Variants in NIBAN1 observed in about 807,000 individuals in gnomAD.
NIBAN1 encodes the protein niban apoptosis regulator 1, also known as protein Niban 1.
Under a neutral mutation model 75.1 loss-of-function variants are expected in NIBAN1, and 81 were observed. That is an observed-to-expected ratio of 1.08 (90% CI 0.90 to 1.30). NIBAN1 has a LOEUF of 1.30. Among genes scored for constraint, NIBAN1 ranks in the 50% most tolerant of loss-of-function variants. The probability of loss-of-function intolerance (pLI) is 0.00; values close to 1 mark genes in which losing one functional copy is unlikely to be tolerated. For missense variants in NIBAN1, 1,133 were observed against 1,128.1 expected (o/e 1.00, Z -0.06); for synonymous variants, 436 against 424.8 (o/e 1.03, Z -0.32).
chr1:184,960,683 C>T (rs1476906246), intron 1 of NIBAN1, among the ~76,000 whole-genome samples: 1 of 151,854 alleles, frequency 6.6e-6, no homozygotes, highest in African/African-American at 2.4e-5. Flanking sequence ...GACTGGAGTG[C>T]AGTGGCACAG....
chr1:184,939,788 G>T (rs867749483), intron 1 of NIBAN1, among the ~76,000 whole-genome samples: 4 of 152,148 alleles, frequency 2.6e-5, no homozygotes, highest in African/African-American at 9.7e-5. Context: ...ACCTACCAAG[G>T]TCAGGGCTCA....
At chr1:184,927,139 G>C (rs1208056764) in intron 1 of NIBAN1, among the ~76,000 whole-genome samples, 2 of 152,084 alleles carry the variant, frequency 1.3e-5, no homozygotes, top group Non-Finnish European at 2.9e-5. Context: ...AAATATCTCT[G>C]TCTCTCCAAG....
chr1:184,836,050 A>T (rs1655133347), intron 5 of NIBAN1, among the ~76,000 whole-genome samples: 1 of 152,128 alleles, frequency 6.6e-6, no homozygotes, highest in South Asian at 2.1e-4. Context: ...TTTTTTCCTC[A>T]TTATTTTTCT....
chr1:184,794,692 A>T lies in NIBAN1; in HGVS notation c.*285T>A, dbSNP rs80157762. The stretch of plus-strand genomic sequence containing the variant: ...TACTGTTTTCTCAGTCTTCCCTGCA[A>T]TACTATTCCCTCCTCAGACATCCTC... On this transcript the variant is annotated 3_prime_UTR_variant, in exon 14 of 14. Coordinates refer to ENST00000367511, the MANE Select transcript of NIBAN1 (RefSeq NM_052966.4). 7.7e-3 allele frequency: 3,867 copies of T among 502,396 alleles called. 67 individuals are homozygous for T. The highest frequency in any genetic ancestry group is 0.052 in the East Asian group (1,313 of 25,446). The allele number at this position is 502,396 out of a possible 1,614,324, so 31.1% of individuals were successfully genotyped here.
chr1:184,906,352 T>C (rs1557909069), intron 1 of NIBAN1, among the ~76,000 whole-genome samples: 2 of 151,594 alleles, frequency 1.3e-5, no homozygotes, highest in Non-Finnish European at 2.9e-5. Flanking sequence ...GACTCTTGGC[T>C]GGGCGCGGTG....
chr1:184,831,352 A>C (rs1185168700), intron 6 of NIBAN1, among the ~76,000 whole-genome samples: 1 of 152,222 alleles, frequency 6.6e-6, no homozygotes, highest in African/African-American at 2.4e-5. Context: ...TGCGTACCAA[A>C]TACTTCCCCA....
Position 184,944,361 on chromosome 1 carries a change from G to T in NIBAN1, c.55+29941C>A, listed in dbSNP as rs557328414. ...TGCTAGAAGACAGAGAAGCAGCATT[G>T]GCATCTAAGAAGTCACAAGCTGAAG... On this transcript the variant is annotated intron_variant, in intron 1 of 13. Coordinates refer to ENST00000367511, the MANE Select transcript of NIBAN1 (RefSeq NM_052966.4). Among the ~76,000 whole-genome samples the T allele has an allele frequency of 7.2e-5, 11 of 152,288 alleles. No individual in the cohort carries two copies. The East Asian group carries it at 2.1e-3, about 29-fold the overall frequency.
chr1:184,807,968 C>G, intron 10 of NIBAN1, 106 bp downstream of exon 10: 1 of 1,313,468 alleles, frequency 7.6e-7, no homozygotes, highest in South Asian at 1.2e-5. Context: ...TAAAGAGACG[C>G]GACGTATTTC....
intron 5 of NIBAN1, among the ~76,000 whole-genome samples, chr1:184,862,065 G>A (rs889739004): frequency 2.0e-5 from 3 of 152,186 alleles, no homozygotes; most frequent in African/African-American, 4.8e-5. Context: ...AGAACAATAA[G>A]ATTGACCTGG....
chr1:184,812,412 C>T (rs2102204510), intron 9 of NIBAN1, among the ~76,000 whole-genome samples: 1 of 152,288 alleles, frequency 6.6e-6, no homozygotes, highest in South Asian at 2.1e-4. Context: ...GATGGTGCAG[C>T]AAGCTGGGTC....
At position 184,792,740 on chromosome 1, in the gene NIBAN1, G is replaced by A. The variant is rs1277265148; in HGVS notation, c.*2237C>T. On this transcript the variant is annotated 3_prime_UTR_variant, in exon 14 of 14. Transcript: ENST00000367511. ...TGGGTGTCCAGTTCCCACATTTCCC[G>A]AGCAGCCTGACGCATGCCAGGTCCT... 2.6e-5 allele frequency: 4 copies of A among 152,602 alleles called. No individual in the cohort carries two copies. The highest frequency in any genetic ancestry group is 7.2e-5 in the African/African-American group (3 of 41,438). The allele number at this position is 152,602 out of a possible 1,614,324, so 9.5% of individuals were successfully genotyped here. A position where few individuals can be genotyped will look rare whatever the true frequency, so the allele number is the denominator to read the frequency against.
At chr1:184,811,423 G>A (rs1396256242) in intron 9 of NIBAN1, among the ~76,000 whole-genome samples, 3 of 151,566 alleles carry the variant, frequency 2.0e-5, no homozygotes, top group Admixed American at 6.6e-5. Context: ...AAGTCTTACA[G>A]AAACAGCAAA....
intron 6 of NIBAN1, among the ~76,000 whole-genome samples, chr1:184,827,179 T>A (rs939034371): frequency 6.6e-6 from 1 of 152,152 alleles, no homozygotes; most frequent in African/African-American, 2.4e-5. Context: ...CTTTATAAAT[T>A]ACCCAGTCTC....
At position 184,960,623 on chromosome 1, in the gene NIBAN1, A is replaced by ATGTTGTTGTTGTTGTTGTTGTTGT. The variant is rs59022150; in HGVS notation, c.55+13678_55+13679insACAACAACAACAACAACAACAACA. Among the ~76,000 whole-genome samples, 7 of 150,224 alleles carry ATGTTGTTGTTGTTGTTGTTGTTGT rather than the reference A, an allele frequency of 4.7e-5. No homozygotes were observed. In the East Asian group the frequency reaches 9.9e-4, roughly 21 times the overall value. ...AGACAACACCAACAACAACAACAAA[A>ATGTTGTTGTTGTTGTTGTTGTTGT]TGTTGTTGTTGTTGTTGTTGTTGAG... On this transcript the variant is annotated intron_variant, in intron 1 of 13. Transcript: ENST00000367511.
chr1:184,798,686 A>G (rs1653944957), intron 12 of NIBAN1, among the ~76,000 whole-genome samples: 1 of 152,164 alleles, frequency 6.6e-6, no homozygotes, highest in Non-Finnish European at 1.5e-5. Context: ...AATGATTTTA[A>G]ATATGTAAAT....
chr1:184,970,775 ACT>A (rs2102095507), intron 1 of NIBAN1, among the ~76,000 whole-genome samples: 1 of 152,300 alleles, frequency 6.6e-6, no homozygotes, highest in African/African-American at 2.4e-5. Context: ...CAGCTGCGGC[ACT>A]GACTGTCCAG....
At chr1:184,907,408 G>A (rs1215052477) in intron 1 of NIBAN1, among the ~76,000 whole-genome samples, 11 of 152,102 alleles carry the variant, frequency 7.2e-5, no homozygotes, top group African/African-American at 2.7e-4. Flanking sequence ...GAGGTTTCAG[G>A]TGAAGATTAA....
intron 8 of NIBAN1, among the ~76,000 whole-genome samples, chr1:184,820,985 T>C (rs963981185): frequency 6.6e-6 from 1 of 152,224 alleles, no homozygotes; most frequent in African/African-American, 2.4e-5. Flanking sequence ...GCTCTCATTA[T>C]GAGGGGCCCA....
Position 184,922,369 on chromosome 1 carries a change from A to G in NIBAN1, c.56-23060T>C, listed in dbSNP as rs540142458. On this transcript the variant is annotated intron_variant, in intron 1 of 13. Transcript: ENST00000367511. The stretch of plus-strand genomic sequence containing the variant: ...TCTATCTAACTACATTTTTTTACCT[A>G]TTAATCAACCCCCTTCACCTCACCC... Among the ~76,000 whole-genome samples, 11 of 152,106 alleles carry G rather than the reference A, an allele frequency of 7.2e-5. No individual in the cohort carries two copies. In the South Asian group the frequency reaches 2.3e-3, roughly 32 times the overall value.
Sources: allele counts gnomAD v4.1 joint callset (sites outside exome capture counted in the v4.1 genomes callset), GRCh38; gene constraint gnomAD v4.1.1; transcripts MANE v1.5; gene names NCBI Gene and HGNC (gene_info 2026-07-23, HGNC 2026-07-21).